SGCD: variants seen among roughly 807,000 people sequenced by gnomAD.
SGCD encodes sarcoglycan delta.
In SGCD, 18 loss-of-function variants were observed where a neutral mutation model predicts 36.6. The ratio of observed to expected loss-of-function variants is 0.49; its 90% CI spans 0.34 to 0.73. The LOEUF (loss-of-function observed/expected upper bound fraction) is 0.73, where lower values mean the gene tolerates loss of function less well. Ranked by LOEUF, SGCD falls within the 30% of genes least tolerant of loss-of-function variation. The probability of loss-of-function intolerance (pLI) is 0.01; values close to 1 mark genes in which losing one functional copy is unlikely to be tolerated. For missense variants in SGCD, 387 were observed against 346.7 expected, an observed-to-expected ratio of 1.12 and a Z score of -0.92; for synonymous variants, 133 against 130.6, an observed-to-expected ratio of 1.02 and a Z score of -0.12.
At chr5:155,899,512 A>G (rs1325647567) in intron 1 of SGCD, among the ~76,000 whole-genome samples, 1 of 152,166 alleles carries the variant, frequency 6.6e-6, no homozygotes, top group Non-Finnish European at 1.5e-5. Context: ...TGTCATGCAC[A>G]TTAATTAACA....
chr5:155,774,823 G>C, the SGCD span, among the ~76,000 whole-genome samples: 1 of 152,078 alleles, frequency 6.6e-6, no homozygotes, highest in Non-Finnish European at 1.5e-5. Flanking sequence ...GGTAATGCAG[G>C]TCCAGGGATT....
chr5:156,002,996 A>G, intron 1 of SGCD, among the ~76,000 whole-genome samples: 1 of 152,118 alleles, frequency 6.6e-6, no homozygotes, highest in Non-Finnish European at 1.5e-5. Context: ...AATAAACTCC[A>G]CAGTTTTTGC....
At chr5:156,395,906 G>A (rs1235824014) in intron 3 of SGCD, among the ~76,000 whole-genome samples, 4 of 152,164 alleles carry the variant, frequency 2.6e-5, no homozygotes, top group African/African-American at 9.7e-5. Context: ...CTTGACACAA[G>A]GAGTCATCCT....
chr5:156,723,417 C>T (rs1002540062), intron 7 of SGCD, among the ~76,000 whole-genome samples: 1 of 152,222 alleles, frequency 6.6e-6, no homozygotes, highest in East Asian at 1.9e-4. Flanking sequence ...TTGCCAGCAT[C>T]ATCCTACCAA....
chr5:156,626,613 G>T (rs1762449934), intron 6 of SGCD, among the ~76,000 whole-genome samples: 1 of 152,090 alleles, frequency 6.6e-6, no homozygotes, highest in Non-Finnish European at 1.5e-5. Flanking sequence ...CATAACTTTT[G>T]CCTTTCATAT....
chr5:156,376,322 A>G (rs1238245014), intron 3 of SGCD, among the ~76,000 whole-genome samples: 1 of 152,202 alleles, frequency 6.6e-6, no homozygotes, highest in African/African-American at 2.4e-5. Context: ...TGTCATTTAC[A>G]TGTACATCTG....
chr5:156,284,737 G>T (rs1445947470), intron 3 of SGCD, among the ~76,000 whole-genome samples: 1 of 152,090 alleles, frequency 6.6e-6, no homozygotes, highest in East Asian at 1.9e-4. Context: ...GCAAAAACTG[G>T]AAGCATTCCC....
intron 6 of SGCD, among the ~76,000 whole-genome samples, chr5:156,625,615 C>T (rs1185546686): frequency 6.6e-6 from 1 of 152,194 alleles, no homozygotes; most frequent in Non-Finnish European, 1.5e-5. Context: ...TCAGTGATCA[C>T]AAACCCACTG....
intron 4 of SGCD, among the ~76,000 whole-genome samples, chr5:156,575,279 G>A (rs1759888950): frequency 6.6e-6 from 1 of 152,152 alleles, no homozygotes; most frequent in Non-Finnish European, 1.5e-5. Flanking sequence ...TTGAACTGCA[G>A]GGTTCTCTCT....
intron 3 of SGCD, among the ~76,000 whole-genome samples, chr5:156,231,396 C>G (rs1374171881): frequency 6.6e-6 from 1 of 152,036 alleles, no homozygotes; most frequent in Non-Finnish European, 1.5e-5. Flanking sequence ...ATTAGCCGGG[C>G]ATGGTGGCAC....
chr5:156,423,368 ATATTT>A (rs1402091762), intron 3 of SGCD, among the ~76,000 whole-genome samples: 32 of 105,456 alleles, frequency 3.0e-4, no homozygotes, highest in African/African-American at 1.2e-3. Context: ...ATAATATATT[ATATTT>A]TATTATAATA....
At chr5:156,146,850 T>C (rs1282085167) in intron 3 of SGCD, among the ~76,000 whole-genome samples, 1 of 152,184 alleles carries the variant, frequency 6.6e-6, no homozygotes, top group Non-Finnish European at 1.5e-5. Flanking sequence ...TTTTAACTTA[T>C]TAGTTTATTA....
intron 1 of SGCD, among the ~76,000 whole-genome samples, chr5:155,952,572 A>C (rs1435384100): frequency 6.6e-6 from 1 of 152,040 alleles, no homozygotes; most frequent in Non-Finnish European, 1.5e-5. Flanking sequence ...TGATGCTGAA[A>C]ACAGTCATGG....
At chr5:156,482,104 G>A (rs2127839937) in intron 3 of SGCD, among the ~76,000 whole-genome samples, 1 of 152,308 alleles carries the variant, frequency 6.6e-6, no homozygotes, top group Non-Finnish European at 1.5e-5. Flanking sequence ...AAGCAAAGCA[G>A]TTGCTGAGAC....
At chr5:155,851,206 G>A in the SGCD span, among the ~76,000 whole-genome samples, 1 of 152,158 alleles carries the variant, frequency 6.6e-6, no homozygotes, top group African/African-American at 2.4e-5. Flanking sequence ...GCGACATGCA[G>A]TGTGTTCTTC....
At chr5:156,552,314 G>T (rs1053940754) in intron 4 of SGCD, among the ~76,000 whole-genome samples, 9 of 152,180 alleles carry the variant, frequency 5.9e-5, no homozygotes, top group Non-Finnish European at 1.0e-4. Flanking sequence ...CTGTAGTGCT[G>T]TGTTGAGAAG....
At chr5:155,976,526 C>T (rs1294492322) in intron 1 of SGCD, among the ~76,000 whole-genome samples, 1 of 152,168 alleles carries the variant, frequency 6.6e-6, no homozygotes, top group African/African-American at 2.4e-5. Flanking sequence ...GCACCGTGCT[C>T]GGTAGCTGAC....
At chr5:156,586,226 A>G (rs777013923) in intron 4 of SGCD, among the ~76,000 whole-genome samples, 2 of 152,104 alleles carry the variant, frequency 1.3e-5, no homozygotes, top group Non-Finnish European at 2.9e-5. Flanking sequence ...CTGATAAGGT[A>G]TTTTGTAAAA....
chr5:156,633,235 A>T (rs532481077), intron 6 of SGCD, among the ~76,000 whole-genome samples: 5 of 152,328 alleles, frequency 3.3e-5, no homozygotes, highest in African/African-American at 1.2e-4. Context: ...TTACTCACTG[A>T]CGATGTGCAC....
Sources: gnomAD v4.1 joint callset for allele counts (sites outside exome capture counted in the v4.1 genomes callset) on GRCh38, gnomAD v4.1.1 for gene constraint, MANE v1.5 for transcripts, NCBI Gene and HGNC (gene_info 2026-07-23, HGNC 2026-07-21) for gene names.